Variants in ZNF385D observed in about 807,000 individuals in gnomAD.
ZNF385D encodes zinc finger protein 385D.
ZNF385D carries 15 observed loss-of-function variants against 35.8 expected under a neutral mutation model. That is an observed-to-expected ratio of 0.42 (90% CI 0.28 to 0.64). The LOEUF is 0.64. ZNF385D is among the 30% of genes least tolerant of loss of function. The pLI, the probability that ZNF385D is intolerant of heterozygous loss-of-function variation, is 0.23. For synonymous variants in ZNF385D, 212 were observed against 186.8 expected, an observed-to-expected ratio of 1.13 and a Z score of -1.10; for missense variants, 474 against 494.6, an observed-to-expected ratio of 0.96 and a Z score of 0.39.
At chr3:21,898,664 A>T (rs1044483014) in intron 3 of ZNF385D, among the ~76,000 whole-genome samples, 7 of 152,178 alleles carry the variant, frequency 4.6e-5, no homozygotes, top group Admixed American at 1.3e-4. Context: ...CCAACTAAAG[A>T]TTACAAAAAC....
At chr3:21,769,619 C>T (rs1243622557) in intron 3 of ZNF385D, among the ~76,000 whole-genome samples, 4 of 108,618 alleles carry the variant, frequency 3.7e-5, no homozygotes, top group Non-Finnish European at 7.4e-5. Flanking sequence ...ATTCCATGCT[C>T]ATGGATAGGA....
In ZNF385D at chr3:22,184,502, A is replaced by G. The variant is rs118075570; in HGVS notation, c.107-15467T>C. 1.8e-4 allele frequency among the ~76,000 whole-genome samples: 27 copies of G among 152,242 alleles called. No individual in the cohort carries two copies. The East Asian group carries it at 2.5e-3, about 14-fold the overall frequency. ...ATGCTCTCAGAATTCAACTACAGAA[A>G]CAAAAGACTTGATGGTACTAGATTC... is the stretch of plus-strand genomic sequence containing the variant. On this transcript the variant is annotated intron_variant, in intron 2 of 5. Transcript: ENST00000494108.
intron 2 of ZNF385D, among the ~76,000 whole-genome samples, chr3:21,641,972 A>G (rs73819935): frequency 0.017 from 2,636 of 152,246 alleles, 72 homozygotes; most frequent in African/African-American, 0.06. Flanking sequence ...GGCATGTCCA[A>G]CATTGAGGCT....
At chr3:21,471,565 G>A (rs1297949873) in intron 4 of ZNF385D, among the ~76,000 whole-genome samples, 1 of 152,024 alleles carries the variant, frequency 6.6e-6, no homozygotes, top group Non-Finnish European at 1.5e-5. Flanking sequence ...AAACAGTTCT[G>A]TTAATTAATC....
intron 3 of ZNF385D, among the ~76,000 whole-genome samples, chr3:21,837,418 T>C (rs1387367774): frequency 6.6e-6 from 1 of 152,056 alleles, no homozygotes; most frequent in African/African-American, 2.4e-5. Flanking sequence ...GATGGTTCAG[T>C]TGGGATGGCT....
At chr3:21,787,707 G>A (rs367644456) in intron 3 of ZNF385D, among the ~76,000 whole-genome samples, 2 of 152,176 alleles carry the variant, frequency 1.3e-5, no homozygotes, top group South Asian at 2.1e-4. Flanking sequence ...CGGACAGGAA[G>A]ATCACAACAT....
chr3:21,945,783 A>C (rs766021729), intron 3 of ZNF385D, among the ~76,000 whole-genome samples: 3 of 152,178 alleles, frequency 2.0e-5, no homozygotes, highest in Non-Finnish European at 4.4e-5. Flanking sequence ...GTCTTAAAGA[A>C]AAATTGTTTA....
chr3:22,167,467 C>T (rs1238073697), intron 3 of ZNF385D, among the ~76,000 whole-genome samples: 3 of 152,228 alleles, frequency 2.0e-5, no homozygotes, highest in Non-Finnish European at 4.4e-5. Flanking sequence ...AAATTATTCT[C>T]TACCCTTCTC....
At chr3:21,437,953 A>T (rs1426943351) in intron 4 of ZNF385D, among the ~76,000 whole-genome samples, 1 of 152,148 alleles carries the variant, frequency 6.6e-6, no homozygotes, top group Non-Finnish European at 1.5e-5. Context: ...AATTCGCAGG[A>T]TGGCCACACC....
At chr3:21,879,030 G>GA (rs1225568742) in intron 3 of ZNF385D, among the ~76,000 whole-genome samples, 4 of 151,954 alleles carry the variant, frequency 2.6e-5, no homozygotes, top group South Asian at 2.1e-4. Flanking sequence ...TACACTACCA[G>GA]AAAAAATATG....
intron 3 of ZNF385D, among the ~76,000 whole-genome samples, chr3:21,808,620 C>A (rs1029754398): frequency 1.3e-5 from 2 of 152,324 alleles, no homozygotes; most frequent in Admixed American, 1.3e-4. Flanking sequence ...GGACTGTTGT[C>A]AATTATTCCT....
intron 3 of ZNF385D, among the ~76,000 whole-genome samples, chr3:21,952,710 G>C (rs955121474): frequency 6.6e-6 from 1 of 151,720 alleles, no homozygotes; most frequent in Non-Finnish European, 1.5e-5. Context: ...ATATAATTAT[G>C]GATTAATTTT....
At chr3:21,680,297 TTAAAGCAAGG>T (rs1161522342) in intron 1 of ZNF385D, among the ~76,000 whole-genome samples, 24 of 152,272 alleles carry the variant, frequency 1.6e-4, no homozygotes, top group African/African-American at 5.8e-4. Flanking sequence ...ATTAAGCCCT[TTAAAGCAAGG>T]TAAAGCAATA....
chr3:21,887,772 GA>G (rs1182167790), intron 3 of ZNF385D, among the ~76,000 whole-genome samples: 1 of 151,876 alleles, frequency 6.6e-6, no homozygotes, highest in African/African-American at 2.4e-5. Flanking sequence ...ATAATACACA[GA>G]AAAAATACTC....
chr3:21,640,078 C>G (rs2065558446), intron 2 of ZNF385D, among the ~76,000 whole-genome samples: 1 of 151,928 alleles, frequency 6.6e-6, no homozygotes, highest in Non-Finnish European at 1.5e-5. Context: ...TTCTTTCTTT[C>G]TTTCTTTAAA....
chr3:21,436,007 G>T lies in ZNF385D; in HGVS notation c.673+963C>A, dbSNP rs180835509. On this transcript the variant is annotated intron_variant, in intron 5 of 7. Coordinates refer to ENST00000281523, the MANE Select transcript of ZNF385D (RefSeq NM_024697.3). ...CATACAGCTGCAATATTAACTCAGG[G>T]TATGATTCACAAATGATTCTTTTTC... 1.4e-4 allele frequency among the ~76,000 whole-genome samples: 22 copies of T among 152,264 alleles called. 1 individual carries two copies. The highest frequency in any genetic ancestry group is 7.2e-4 in the Admixed American group (11 of 15,298).
At chr3:21,865,045 CTTTTTTTTTTTTT>C (rs3073907) in intron 3 of ZNF385D, among the ~76,000 whole-genome samples, 311 of 21,192 alleles carry the variant, frequency 0.015, 2 homozygotes, top group African/African-American at 0.064. Flanking sequence ...ACAGGGAAGA[CTTTTTTTTTTTTT>C]TTTTTTTTTT....
chr3:21,538,293 T>A (rs1282451074), intron 3 of ZNF385D, among the ~76,000 whole-genome samples: 4 of 152,060 alleles, frequency 2.6e-5, no homozygotes, highest in Non-Finnish European at 5.9e-5. Flanking sequence ...ATGGGGGTCA[T>A]CTGGAAGTCT....
intron 3 of ZNF385D, among the ~76,000 whole-genome samples, chr3:21,936,669 T>C (rs1308396267): frequency 1.3e-5 from 2 of 152,104 alleles, no homozygotes; most frequent in East Asian, 1.9e-4. Flanking sequence ...CAGCCATGTA[T>C]ACCCAGTTAT....
Sources: allele counts gnomAD v4.1 joint callset (sites outside exome capture counted in the v4.1 genomes callset), GRCh38; gene constraint gnomAD v4.1.1; transcripts MANE v1.5; gene names NCBI Gene and HGNC (gene_info 2026-07-23, HGNC 2026-07-21).